CCDC146: variants seen among roughly 807,000 people sequenced by gnomAD.
The protein encoded by CCDC146 is coiled-coil domain-containing protein 146.
CCDC146 carries 92 observed loss-of-function variants against 119.3 expected under a neutral mutation model. The observed-to-expected ratio is 0.77, with a 90% CI of 0.65 to 0.92. The LOEUF is 0.92. CCDC146 is among the 40% of genes least tolerant of loss of function. The pLI, the probability that CCDC146 is intolerant of heterozygous loss-of-function variation, is 0.00. For missense variants in CCDC146, 1,000 were observed against 1,103.0 expected, an observed-to-expected ratio of 0.91 and a Z score of 1.32; for synonymous variants, 372 against 371.8, an observed-to-expected ratio of 1.00 and a Z score of -0.01.
chr7:77,192,915 TC>T (rs1791796880), intron 2 of CCDC146, among the ~76,000 whole-genome samples: 1 of 151,698 alleles, frequency 6.6e-6, no homozygotes. Context: ...AGAGTGAGAC[TC>T]CGTCTCTAAA....
intron 1 of CCDC146, among the ~76,000 whole-genome samples, chr7:77,147,109 C>T (rs1023161387): frequency 6.6e-6 from 1 of 152,194 alleles, no homozygotes; most frequent in Non-Finnish European, 1.5e-5. Context: ...TTGTTCGTTT[C>T]TTTTTACTCT....
chr7:77,129,821 A>C (rs1225525133), intron 1 of CCDC146, among the ~76,000 whole-genome samples: 1 of 152,138 alleles, frequency 6.6e-6, no homozygotes, highest in Non-Finnish European at 1.5e-5. Flanking sequence ...TAATTCTTTA[A>C]ATATGGTTTC....
chr7:77,188,764 C>A, intron 2 of CCDC146, among the ~76,000 whole-genome samples: 1 of 152,084 alleles, frequency 6.6e-6, no homozygotes, highest in East Asian at 1.9e-4. Context: ...ACAAAAATAC[C>A]GTTGTTGACA....
chr7:77,278,763 C>G lies in CCDC146; in HGVS notation c.1452C>G (p.Thr484=), dbSNP rs910932643. 1.2e-6 allele frequency: 2 copies of G among 1,609,104 alleles called. No homozygotes were observed. The highest frequency in any genetic ancestry group is 1.7e-6 in the Non-Finnish European group (2 of 1,177,398). ...TTTGTACATTTCAGCAAAAATACAC[C>G]AACATTGTTAAAGAAATGAAAGCAA... ...KDFLKAQQKY[T]NIVKEMKAKD... The change falls in exon 12 of 19, where the codon ACC becomes ACG. Residue 484 remains threonine, a synonymous_variant. Transcript: ENST00000285871.
At chr7:77,211,799 A>G (rs1261591292) in intron 2 of CCDC146, among the ~76,000 whole-genome samples, 2 of 151,994 alleles carry the variant, frequency 1.3e-5, no homozygotes, top group Non-Finnish European at 2.9e-5. Context: ...TATCTTTAGT[A>G]GAGATGGGGT....
chr7:77,283,441 T>C (rs1793796767), intron 15 of CCDC146, among the ~76,000 whole-genome samples: 1 of 152,202 alleles, frequency 6.6e-6, no homozygotes, highest in Non-Finnish European at 1.5e-5. Context: ...ATAAAAACTG[T>C]GTAGCCTAAA....
intron 2 of CCDC146, among the ~76,000 whole-genome samples, chr7:77,177,232 AT>A (rs1273551066): frequency 1.3e-5 from 2 of 152,122 alleles, no homozygotes; most frequent in Admixed American, 1.3e-4. Flanking sequence ...AGAGTTACTA[AT>A]GAGCTTCTTG....
intron 2 of CCDC146, among the ~76,000 whole-genome samples, chr7:77,190,353 TCA>T (rs1485488803): frequency 3.3e-5 from 5 of 152,248 alleles, no homozygotes; most frequent in African/African-American, 1.2e-4. Context: ...TCAGGCAACC[TCA>T]GTCTCTCTCT....
intron 2 of CCDC146, among the ~76,000 whole-genome samples, chr7:77,210,125 TAGTC>T (rs764661526): frequency 7.2e-5 from 11 of 152,226 alleles, no homozygotes; most frequent in Admixed American, 2.0e-4. Flanking sequence ...TTCTACCACA[TAGTC>T]AGCCTGCAAA....
intron 2 of CCDC146, among the ~76,000 whole-genome samples, chr7:77,231,515 C>A (rs1054037549): frequency 1.5e-4 from 23 of 152,064 alleles, no homozygotes; most frequent in African/African-American, 5.3e-4. Context: ...AATAAGTGGG[C>A]ACTACTGCCT....
At chr7:77,186,574 G>A (rs549808234) in intron 2 of CCDC146, among the ~76,000 whole-genome samples, 49 of 152,152 alleles carry the variant, frequency 3.2e-4, no homozygotes, top group Non-Finnish European at 5.9e-4. Flanking sequence ...TACAATGGGG[G>A]ACTACAGTCA....
intron 1 of CCDC146, among the ~76,000 whole-genome samples, chr7:77,135,795 A>G (rs1315811509): frequency 6.6e-6 from 1 of 152,248 alleles, no homozygotes; most frequent in Non-Finnish European, 1.5e-5. Flanking sequence ...TATAAGACAT[A>G]TAAATTAAAA....
intron 8 of CCDC146, 60 bp downstream of exon 8, chr7:77,260,296 G>A: frequency 8.0e-7 from 1 of 1,252,788 alleles, no homozygotes; most frequent in Non-Finnish European, 1.1e-6. Flanking sequence ...ATTTATATTT[G>A]AGAATTCAAA....
chr7:77,165,769 G>A (rs1244310806), intron 1 of CCDC146, among the ~76,000 whole-genome samples: 3 of 152,220 alleles, frequency 2.0e-5, no homozygotes, highest in East Asian at 1.9e-4. Flanking sequence ...GAAACTATTG[G>A]CACTCAATGC....
Position 77,282,747 on chromosome 7 carries a change from AG to A in CCDC146, c.2112del (p.Arg704SerfsTer7), listed in dbSNP as rs1327651159. The A allele has an allele frequency of 6.2e-7, 1 of 1,614,104 alleles. No individual in the cohort carries two copies. Among genetic ancestry groups the A allele is most frequent in the Non-Finnish European group, 8.5e-7 (1 of 1,180,028 alleles). On this transcript the variant is annotated frameshift_variant, in exon 15 of 19. Transcript: ENST00000285871. LOFTEE classifies it high-confidence loss of function. Reference protein sequence around the residue: ...CVTQKLLPAKRSLDADLAVLQ... With the variant: ...CVTQKLLPAKXSLDADLAVLQ... ...GACCCAGAAATTACTGCCAGCCAAGAGGTCCCTGGATGCCGACCTAGCTGTG... is the reference window on the plus strand; with the variant it reads ...GACCCAGAAATTACTGCCAGCCAAGAGTCCCTGGATGCCGACCTAGCTGTG...
intron 1 of CCDC146, among the ~76,000 whole-genome samples, chr7:77,157,796 TCATAGCAC>T (rs1251052503): frequency 6.6e-6 from 1 of 152,206 alleles, no homozygotes; most frequent in Non-Finnish European, 1.5e-5. Flanking sequence ...GTCCAAGTTA[TCATAGCAC>T]CAATTTCAGT....
chr7:77,275,439 A>G (rs80119617), intron 11 of CCDC146, among the ~76,000 whole-genome samples: 87 of 152,340 alleles, frequency 5.7e-4, no homozygotes, highest in Non-Finnish European at 7.9e-4. Context: ...GTAATCAACA[A>G]TTTAGATGGG....
intron 1 of CCDC146, among the ~76,000 whole-genome samples, chr7:77,133,877 A>G (rs1254163452): frequency 3.9e-5 from 6 of 152,070 alleles, no homozygotes; most frequent in South Asian, 2.1e-4. Context: ...ATATGCTTCT[A>G]TATGAGTAAA....
intron 5 of CCDC146, 84 bp from the exon 6 acceptor site, chr7:77,256,249 G>A (rs2150508560): frequency 1.1e-6 from 1 of 905,018 alleles, no homozygotes. Flanking sequence ...CAAAATGGTG[G>A]GTGAAATTAG....
Sources: gnomAD v4.1 joint callset for allele counts (sites outside exome capture counted in the v4.1 genomes callset) on GRCh38, gnomAD v4.1.1 for gene constraint, MANE v1.5 for transcripts, NCBI Gene and HGNC (gene_info 2026-07-23, HGNC 2026-07-21) for gene names.